Variants in ANK1 observed in about 807,000 individuals in gnomAD.
ANK1 encodes ankyrin-1.
Under a neutral mutation model 210.4 loss-of-function variants are expected in ANK1, and 51 were observed. The ratio of observed to expected loss-of-function variants is 0.24; its 90% CI spans 0.19 to 0.31. The LOEUF is 0.31. Among genes scored for constraint, ANK1 ranks in the 10% least tolerant of loss-of-function variants. The probability of loss-of-function intolerance (pLI) is 1.00; values close to 1 mark genes in which losing one functional copy is unlikely to be tolerated. For missense variants in ANK1, 2,051 were observed against 2,504.4 expected, an observed-to-expected ratio of 0.82 and a Z score of 3.86; for synonymous variants, 967 against 1,025.9, an observed-to-expected ratio of 0.94 and a Z score of 1.10.
intron 41 of ANK1, 128 bp from the exon 42 acceptor site, chr8:41,661,692 G>T: frequency 6.3e-7 from 1 of 1,597,620 alleles, no homozygotes. Flanking sequence ...AGAGACTGGA[G>T]AGAGAGCTCA....
chr8:41,719,934 G>A (rs1022877330), intron 9 of ANK1, 76 bp from the exon 10 acceptor site: 27 of 1,502,354 alleles, frequency 1.8e-5, no homozygotes, highest in African/African-American at 2.8e-5. Context: ...CGATTCCAAC[G>A]TCACTCCCTA....
intron 42 of ANK1, among the ~76,000 whole-genome samples, chr8:41,658,552 C>T (rs1806573373): frequency 6.6e-6 from 1 of 152,218 alleles, no homozygotes; most frequent in Non-Finnish European, 1.5e-5. Flanking sequence ...AGCTTTCACT[C>T]TCTGAAACAA....
intron 38 of ANK1, among the ~76,000 whole-genome samples, chr8:41,670,458 A>G (rs915048422): frequency 1.3e-5 from 2 of 152,152 alleles, no homozygotes; most frequent in South Asian, 2.1e-4. Flanking sequence ...CAGGTGCTCA[A>G]TAAATGCTTG....
intron 1 of ANK1, among the ~76,000 whole-genome samples, chr8:41,865,287 CG>C (rs1198762542): frequency 1.3e-5 from 2 of 152,172 alleles, no homozygotes; most frequent in Non-Finnish European, 2.9e-5. Flanking sequence ...TTTGCTGAGC[CG>C]GGCCTTCCTC....
In ANK1 at chr8:41,704,754, G is replaced by C. The variant is rs1476626089; in HGVS notation, c.2098-282C>G. Among the ~76,000 whole-genome samples the C allele has an allele frequency of 6.6e-6, 1 of 152,182 alleles. No individual in the cohort carries two copies. Among genetic ancestry groups the C allele is most frequent in the Non-Finnish European group, 1.5e-5 (1 of 68,034 alleles). ...GCATGGGAGATCTGAGAGCTTTGGA[G>C]GTGAGTGAGGTCCCCCAGAATAAAG... is the stretch of plus-strand genomic sequence containing the variant. On this transcript the variant is annotated intron_variant, in intron 18 of 42. Coordinates refer to ENST00000289734, the MANE Select transcript of ANK1 (RefSeq NM_000037.4). This position sits in a 1 kb window ranked among gnomAD's most constrained non-coding sequence, Gnocchi z 4.1.
At chr8:41,665,085 G>C (rs1810021671) in intron 39 of ANK1, 1 of 1,591,054 alleles carries the variant, frequency 6.3e-7, no homozygotes, top group African/African-American at 1.3e-5. Flanking sequence ...CGGGGGGCCT[G>C]CCTCTCATTC....
chr8:41,747,233 A>G lies in ANK1; in HGVS notation c.129+10803T>C, dbSNP rs138319353. Among the ~76,000 whole-genome samples the G allele has an allele frequency of 6.6e-5, 10 of 152,274 alleles. No homozygotes were observed. In the East Asian group the frequency reaches 1.7e-3, roughly 26 times the overall value. On this transcript the variant is annotated intron_variant, in intron 2 of 42. Transcript: ENST00000289734. ...ACACCAAAGAAGTCAATCGAATGCAAACAATCGTGGCCAATTCTCATTCCT... is the reference window on the plus strand; with the variant it reads ...ACACCAAAGAAGTCAATCGAATGCAGACAATCGTGGCCAATTCTCATTCCT...
At position 41,797,481 on chromosome 8, in the gene ANK1, C is replaced by T. The variant is rs1459568387; in HGVS notation, c.27+31G>A. Reference sequence around the variant, plus strand: ...TGGGTGGCCCCCTCCTGACATCTCCCCGTCCACCCGAGCAGCCGCCCAGTA... The same window carrying T: ...TGGGTGGCCCCCTCCTGACATCTCCTCGTCCACCCGAGCAGCCGCCCAGTA... On this transcript the variant is annotated intron_variant, in intron 1 of 42. Coordinates refer to ENST00000289734, the MANE Select transcript of ANK1 (RefSeq NM_000037.4). This position sits in a 1 kb window ranked among gnomAD's most constrained non-coding sequence, Gnocchi z 4.0. The T allele has an allele frequency of 1.9e-6, 3 of 1,604,924 alleles. No homozygotes were observed. The African/African-American group carries it at 4.0e-5, about 21-fold the overall frequency.
In ANK1 at chr8:41,763,889, C is replaced by CTTTTTTTTTT. The variant is rs869100297; in HGVS notation, c.28-5762_28-5753dup. 5.4e-3 allele frequency among the ~76,000 whole-genome samples: 312 copies of CTTTTTTTTTT among 57,832 alleles called. 7 individuals are homozygous for CTTTTTTTTTT. Among genetic ancestry groups the CTTTTTTTTTT allele is most frequent in the East Asian group, 0.017 (30 of 1,726 alleles). 37.9% of individuals were successfully genotyped at this position (57,832 alleles called of 152,430 possible). A position where few individuals can be genotyped will look rare whatever the true frequency, so the allele number is the denominator to read the frequency against. On this transcript the variant is annotated intron_variant, in intron 1 of 42. Transcript: ENST00000289734. ...TTCTTCTTTCTTTTTTTCTTTTTTT[C>CTTTTTTTTTT]TTTTTTTTTTTTTTTTTTTTTTTTT...
intron 1 of ANK1, among the ~76,000 whole-genome samples, chr8:41,830,636 G>T (rs1172778126): frequency 6.6e-6 from 1 of 152,114 alleles, no homozygotes; most frequent in Non-Finnish European, 1.5e-5. Context: ...AGGTTGTCTG[G>T]GACTAGGGCT....
intron 1 of ANK1, among the ~76,000 whole-genome samples, chr8:41,765,270 C>T (rs549722258): frequency 6.6e-6 from 1 of 151,348 alleles, no homozygotes; most frequent in South Asian, 2.1e-4. Context: ...CAGAGTCTCC[C>T]TCTTTCTTCC....
At chr8:41,731,243 T>G (rs1228981622) in intron 3 of ANK1, among the ~76,000 whole-genome samples, 1 of 152,196 alleles carries the variant, frequency 6.6e-6, no homozygotes, top group Non-Finnish European at 1.5e-5. Flanking sequence ...GAACATGGCC[T>G]CAAAGGAGCA....
chr8:41,744,353 G>A (rs1208510761), intron 2 of ANK1, among the ~76,000 whole-genome samples: 1 of 152,164 alleles, frequency 6.6e-6, no homozygotes, highest in Non-Finnish European at 1.5e-5. Context: ...GATACAGGCA[G>A]ATGTCATTAA....
Position 41,725,784 on chromosome 8 carries a change from G to A in ANK1, c.589C>T (p.Pro197Ser), listed in dbSNP as rs761659504. The A allele has an allele frequency of 6.2e-7, 1 of 1,611,068 alleles. No homozygotes were observed. The highest frequency in any genetic ancestry group is 1.7e-5 in the Admixed American group (1 of 59,968). The part of the protein sequence containing the change: ...RTAAVLLQND[P>S]NPDVLSKTGF... ...ACCTTGGAAAGCACGTCCGGGTTGG[G>A]GTCGTTCTGCAGCAGCACCGCAGCC... Residue 197 changes from proline (P) to serine (S), a missense_variant, in exon 6 of 43, where the codon CCC becomes TCC. This residue lies in a region of ANK1 where 1,413 missense variants were observed against 1,707.4 expected (regional missense o/e 0.83). Transcript: ENST00000289734.
rs928889598 is a variant in ANK1 at position 41,704,211 on chromosome 8, C to T, written c.2197-72G>A. On this transcript the variant is annotated intron_variant, in intron 19 of 42. Coordinates refer to ENST00000289734, the MANE Select transcript of ANK1 (RefSeq NM_000037.4). This position sits in a 1 kb window ranked among gnomAD's most constrained non-coding sequence, Gnocchi z 4.1. ...AGAGACCTGCCTACACATGATAGTG[C>T]CTGCCCATCTTCGAAGTGGGACATT... 3 of 1,429,638 alleles carry T rather than the reference C, an allele frequency of 2.1e-6. No homozygotes were observed. Among genetic ancestry groups the T allele is most frequent in the Non-Finnish European group, 3.0e-6 (3 of 1,013,806 alleles). The allele number at this position is 1,429,638 out of a possible 1,614,324, so 88.6% of individuals were successfully genotyped here. A position where few individuals can be genotyped will look rare whatever the true frequency, so the allele number is the denominator to read the frequency against.
chr8:41,707,118 T>G (rs1368492471), intron 17 of ANK1, among the ~76,000 whole-genome samples: 1 of 152,120 alleles, frequency 6.6e-6, no homozygotes, highest in African/African-American at 2.4e-5. Flanking sequence ...AAATAAATAA[T>G]GTACCATACT....
rs187431520 is a variant in ANK1 at position 41,776,677 on chromosome 8, G to A, written c.28-18540C>T. Among the ~76,000 whole-genome samples, 244 of 152,328 alleles carry A rather than the reference G, an allele frequency of 1.6e-3. 3 individuals are homozygous for A. The highest frequency in any genetic ancestry group is 3.9e-3 in the Admixed American group (59 of 15,304). ...GGCTTCCACTGGCTAAATGCTGACT[G>A]CAGAGGTTTCCTCTCTCTTCCCAGA... On this transcript the variant is annotated intron_variant, in intron 1 of 42. Transcript: ENST00000289734.
intron 37 of ANK1, 156 bp downstream of exon 37, chr8:41,684,388 G>C (rs556212906): frequency 3.7e-5 from 46 of 1,251,538 alleles, no homozygotes; most frequent in Non-Finnish European, 5.2e-5. Flanking sequence ...CTGCTTCCCC[G>C]GAAAGGAGGA....
chr8:41,674,494 G>A (rs748619578), intron 37 of ANK1, among the ~76,000 whole-genome samples: 24 of 152,096 alleles, frequency 1.6e-4, no homozygotes, highest in Admixed American at 3.3e-4. Flanking sequence ...TGCCTTCCTC[G>A]CCCCACCCTT....
Sources: gnomAD v4.1 joint callset for allele counts (sites outside exome capture counted in the v4.1 genomes callset) on GRCh38, gnomAD v4.1.1 for gene constraint, gnomAD v4.1.1 regional missense constraint, Gnocchi (gnomAD v3.1) non-coding constraint, MANE v1.5 for transcripts, NCBI Gene and HGNC (gene_info 2026-07-23, HGNC 2026-07-21) for gene names.